CYP4A11: variants seen among roughly 807,000 people sequenced by gnomAD.
CYP4A11 encodes cytochrome P450 4A11.
In CYP4A11, 52 loss-of-function variants were observed where a neutral mutation model predicts 57.7. That is an observed-to-expected ratio of 0.90 (90% CI 0.72 to 1.14). The LOEUF (loss-of-function observed/expected upper bound fraction) is 1.14, where lower values mean the gene tolerates loss of function less well. CYP4A11 is among the 50% of genes most tolerant of loss of function. CYP4A11 has a pLI of 0.00. For synonymous variants in CYP4A11, 228 were observed against 247.1 expected, an observed-to-expected ratio of 0.92 and a Z score of 0.72; for missense variants, 641 against 642.1, an observed-to-expected ratio of 1.00 and a Z score of 0.02.
Position 46,934,182 on chromosome 1 carries a change from A to C in CYP4A11, c.1082T>G (p.Ile361Ser). ...CTTTTGAGCCCTCACTCACCAGGTGATGGAGGCTCCATCACCCAGGAGGCT... is the reference window on the plus strand; with the variant it reads ...CTTTTGAGCCCTCACTCACCAGGTGCTGGAGGCTCCATCACCCAGGAGGCT... ...IHSLLGDGASITWNHLDQMPY... is the reference protein window; with the variant it reads ...IHSLLGDGASSTWNHLDQMPY... The change falls in exon 8 of 12, where the codon ATC (isoleucine) becomes AGC (serine). Residue 361 changes from isoleucine (I) to serine (S), a missense_variant. Ile to Ser is a moderately radical substitution (Grantham distance 142). Transcript: ENST00000310638. 6.2e-7 allele frequency: 1 copy of C among 1,613,878 alleles called. No homozygotes were observed. Among genetic ancestry groups the C allele is most frequent in the Non-Finnish European group, 8.5e-7 (1 of 1,179,912 alleles).
At chr1:46,930,522 C>G (rs1680957616) in intron 11 of CYP4A11, among the ~76,000 whole-genome samples, 1 of 152,204 alleles carries the variant, frequency 6.6e-6, no homozygotes, top group Non-Finnish European at 1.5e-5. Context: ...CCTGGGCTAG[C>G]TCCTAACTCC....
intron 6 of CYP4A11, 49 bp downstream of exon 6, chr1:46,934,951 C>A (rs759037152): frequency 6.3e-7 from 1 of 1,595,972 alleles, no homozygotes; most frequent in Non-Finnish European, 8.5e-7. Context: ...AGGGCAAGTT[C>A]TTTCGCTGTG....
intron 6 of CYP4A11, 151 bp downstream of exon 6, chr1:46,934,849 T>A (rs1681276209): frequency 4.3e-6 from 6 of 1,387,940 alleles, no homozygotes; most frequent in Non-Finnish European, 5.8e-6. Flanking sequence ...CCCTCACATC[T>A]CAGCTCCCAG....
At position 46,932,989 on chromosome 1, in the gene CYP4A11, G is replaced by A. The variant is rs1681121932; in HGVS notation, c.1281C>T (p.Asn427=). 6.2e-7 allele frequency: 1 copy of A among 1,614,070 alleles called. No homozygotes were observed. Among genetic ancestry groups the A allele is most frequent in the African/African-American group, 1.3e-5 (1 of 74,920 alleles). ...GLHHNPKVWP[N]PEVFDPFRFA... ...CCTCTCAAGGACCACATACCTCTGG[G>A]TTGGGCCACACTTTTGGGTTGTGGT... Residue 427 remains asparagine, a synonymous_variant, in exon 10 of 12, where the codon AAC becomes AAT. Transcript: ENST00000310638.
At chr1:46,930,822 TGGA>T (rs1680978010) in intron 11 of CYP4A11, among the ~76,000 whole-genome samples, 1 of 152,114 alleles carries the variant, frequency 6.6e-6, no homozygotes, top group South Asian at 2.1e-4. Flanking sequence ...GGAGGCTTCC[TGGA>T]GGAGAACTGG....
Position 46,936,710 on chromosome 1 carries a change from A to C in CYP4A11, c.464T>G (p.Leu155Arg). Residue 155 changes from leucine (L) to arginine (R), a missense_variant, in exon 4 of 12, where the codon CTG becomes CGG. By Grantham distance (102) the Leu-to-Arg change is moderately radical. Transcript: ENST00000310638. ...TGCCATGAGCCCCACATAGGGCTTCAGGATGTCATAGTGGAAGGCTGGGGT... is the reference window on the plus strand; with the variant it reads ...TGCCATGAGCCCCACATAGGGCTTCCGGATGTCATAGTGGAAGGCTGGGGT... ...MLTPAFHYDI[L>R]KPYVGLMADS... 6.2e-7 allele frequency: 1 copy of C among 1,613,788 alleles called. No homozygotes were observed. The highest frequency in any genetic ancestry group is 2.2e-5 in the East Asian group (1 of 44,864).
rs1444694881 is a variant in CYP4A11 at position 46,929,447 on chromosome 1, G to C, written c.*668C>G. Reference sequence around the variant, plus strand: ...GTCCAGGGCGCCAAAGCTAAGGATGGAGGCTGTGAAGGCCCCGAGCTCTGG... The same window carrying C: ...GTCCAGGGCGCCAAAGCTAAGGATGCAGGCTGTGAAGGCCCCGAGCTCTGG... On this transcript the variant is annotated 3_prime_UTR_variant, in exon 12 of 12. Coordinates refer to ENST00000310638, the MANE Select transcript of CYP4A11 (RefSeq NM_000778.4). 1 of 150,864 alleles carries C rather than the reference G, an allele frequency of 6.6e-6. No individual in the cohort carries two copies. The highest frequency in any genetic ancestry group is 1.5e-5 in the Non-Finnish European group (1 of 67,744). 9.3% of individuals were successfully genotyped at this position (150,864 alleles called of 1,614,324 possible). A position where few individuals can be genotyped will look rare whatever the true frequency, so the allele number is the denominator to read the frequency against.
intron 11 of CYP4A11, among the ~76,000 whole-genome samples, chr1:46,931,273 C>A (rs1182555665): frequency 1.3e-5 from 2 of 152,194 alleles, no homozygotes; most frequent in Non-Finnish European, 2.9e-5. Context: ...CTCTCCCTCC[C>A]AGGCCCCCAG....
Position 46,930,040 on chromosome 1 carries a change from C to G in CYP4A11, c.*75G>C. 1 of 1,497,378 alleles carries G rather than the reference C, an allele frequency of 6.7e-7. No homozygotes were observed. Among genetic ancestry groups the G allele is most frequent in the Non-Finnish European group, 8.9e-7 (1 of 1,118,162 alleles). The allele number at this position is 1,497,378 out of a possible 1,614,324, so 92.8% of individuals were successfully genotyped here. A position where few individuals can be genotyped will look rare whatever the true frequency, so the allele number is the denominator to read the frequency against. ...GTGGGAAGAAGGGAAGGTGGGCAGA[C>G]AGAAAACAGGATATGGGCAGACAGG... On this transcript the variant is annotated 3_prime_UTR_variant, in exon 12 of 12. Coordinates refer to ENST00000310638, the MANE Select transcript of CYP4A11 (RefSeq NM_000778.4).
At chr1:46,940,983 C>A in intron 1 of CYP4A11, 1 of 985,390 alleles carries the variant, frequency 1.0e-6, no homozygotes, top group Non-Finnish European at 1.2e-6. Flanking sequence ...CCTCCACATG[C>A]AGGACTGCCA....
At chr1:46,930,869 C>G (rs1680982074) in intron 11 of CYP4A11, among the ~76,000 whole-genome samples, 1 of 152,120 alleles carries the variant, frequency 6.6e-6, no homozygotes, top group Admixed American at 6.5e-5. Flanking sequence ...CACCTGCCTC[C>G]CACCCCAGGG....
intron 4 of CYP4A11, among the ~76,000 whole-genome samples, chr1:46,936,209 T>TG (rs1289227729): frequency 1.3e-5 from 2 of 152,340 alleles, no homozygotes; most frequent in East Asian, 3.9e-4. Context: ...AACATAGACC[T>TG]GGTGTTCATT....
In CYP4A11 at chr1:46,934,523, T is replaced by G. The variant is rs41300339; in HGVS notation, c.827A>C (p.Lys276Thr). The G allele has an allele frequency of 2.5e-6, 4 of 1,613,696 alleles. No individual in the cohort carries two copies. The highest frequency in any genetic ancestry group is 1.1e-5 in the South Asian group (1 of 91,066). Residue 276 changes from lysine to threonine, a missense_variant, in exon 7 of 12, where the codon AAG (lysine) becomes ACG (threonine). Coordinates refer to ENST00000310638, the MANE Select transcript of CYP4A11 (RefSeq NM_000778.4). The part of the protein sequence containing the change: ...VIQLRKAQLQ[K>T]EGELEKIKRK... ...CTTGATCTTCTCCAGCTCCCCCTCC[T>G]TCTGTAGTTGAGCCTTCCTCAGTTG...
Position 46,934,540 on chromosome 1 carries a change from C to A in CYP4A11, c.810G>T (p.Arg270Ser), listed in dbSNP as rs1681257769. 1 of 1,613,486 alleles carries A rather than the reference C, an allele frequency of 6.2e-7. No homozygotes were observed. The highest frequency in any genetic ancestry group is 1.3e-5 in the African/African-American group (1 of 74,840). ...HQHTDQVIQL[R>S]KAQLQKEGEL... is the part of the protein sequence containing the mutation. ...CCCCCTCCTTCTGTAGTTGAGCCTTCCTCAGTTGGATCACTTGGTCTGTAC... is the reference window on the plus strand; with the variant it reads ...CCCCCTCCTTCTGTAGTTGAGCCTTACTCAGTTGGATCACTTGGTCTGTAC... The change falls in exon 7 of 12, where the codon AGG (arginine) becomes AGT (serine). Residue 270 changes from arginine to serine, a missense_variant. Coordinates refer to ENST00000310638, the MANE Select transcript of CYP4A11 (RefSeq NM_000778.4).
Position 46,930,222 on chromosome 1 carries a change from T to C in CYP4A11, c.1453A>G (p.Thr485Ala). The change falls in exon 12 of 12, where the codon ACC becomes GCC. Residue 485 changes from threonine (T) to alanine (A), a missense_variant. Thr to Ala is a moderately conservative substitution (Grantham distance 58, BLOSUM62 0). Transcript: ENST00000310638. ...LLRFELLPDPTRIPIPIARLV... is the reference protein window; with the variant it reads ...LLRFELLPDPARIPIPIARLV... ...CGTGCAATGGGGATGGGGATCCTGGTGGGATCAGGCAGCAGCTCAAAGCGG... is the reference window on the plus strand; with the variant it reads ...CGTGCAATGGGGATGGGGATCCTGGCGGGATCAGGCAGCAGCTCAAAGCGG... The C allele has an allele frequency of 6.2e-7, 1 of 1,614,094 alleles. No individual in the cohort carries two copies. The highest frequency in any genetic ancestry group is 8.5e-7 in the Non-Finnish European group (1 of 1,179,984).
intron 9 of CYP4A11, 45 bp from the exon 10 acceptor site, chr1:46,933,092 G>A (rs2148454557): frequency 6.2e-7 from 1 of 1,609,822 alleles, no homozygotes; most frequent in Non-Finnish European, 8.5e-7. Context: ...TCATTTGCAT[G>A]GGGTGGCCTG....
In CYP4A11 at chr1:46,938,193, G is replaced by A. The variant is rs1046006756; in HGVS notation, c.196-56C>T. On this transcript the variant is annotated intron_variant, in intron 1 of 11. Transcript: ENST00000310638. ...TCATTTACTTCTAGTCTTTGCAGCA[G>A]GAGTGAAGGGCAGGACAACTACAGG... is the stretch of plus-strand genomic sequence containing the variant. The A allele has an allele frequency of 4.4e-6, 7 of 1,606,936 alleles. No homozygotes were observed. The Admixed American group carries it at 1.2e-4, about 27-fold the overall frequency.
In CYP4A11 at chr1:46,934,494, T is replaced by C; in HGVS notation, c.856A>G (p.Lys286Glu). ...KEGELEKIKR[K>E]RHLDFLDILL... The stretch of plus-strand genomic sequence containing the variant: ...ATATCCAGAAAATCCAAATGCCTCT[T>C]CCTCTTGATCTTCTCCAGCTCCCCC... Residue 286 changes from lysine to glutamate, a missense_variant, in exon 7 of 12, where the codon AAG (lysine) becomes GAG (glutamate). Lys to Glu is a moderately conservative substitution (Grantham distance 56). Transcript: ENST00000310638. The C allele has an allele frequency of 6.2e-7, 1 of 1,613,864 alleles. No individual in the cohort carries two copies. Among genetic ancestry groups the C allele is most frequent in the Non-Finnish European group, 8.5e-7 (1 of 1,179,858 alleles).
In CYP4A11 at chr1:46,941,241, C is replaced by T. The variant is rs759581767; in HGVS notation, c.193G>A (p.Glu65Lys). The T allele has an allele frequency of 6.2e-7, 1 of 1,612,928 alleles. No homozygotes were observed. Among genetic ancestry groups the T allele is most frequent in the Non-Finnish European group, 8.5e-7 (1 of 1,179,376 alleles). The change falls in exon 1 of 12, where the codon GAG (glutamate) becomes AAG (lysine). Residue 65 changes from glutamate to lysine, a missense_variant and splice_region_variant. Glu to Lys is a moderately conservative substitution (Grantham distance 56). Coordinates refer to ENST00000310638, the MANE Select transcript of CYP4A11 (RefSeq NM_000778.4). Reference sequence around the variant, plus strand: ...TCCCCCATTGAGTTCCTCCCTACCTCCTGGATGTGCCCGAAGAGCCAGTGG... The same window carrying T: ...TCCCCCATTGAGTTCCTCCCTACCTTCTGGATGTGCCCGAAGAGCCAGTGG... ...PSHWLFGHIQ[E>K]LQQDQELQRI...
Sources: allele counts gnomAD v4.1 joint callset (sites outside exome capture counted in the v4.1 genomes callset), GRCh38; gene constraint gnomAD v4.1.1; transcripts MANE v1.5; gene names NCBI Gene and HGNC (gene_info 2026-07-23, HGNC 2026-07-21).